The following TOP2A variants were observed in gnomAD, a reference collection of about 807,000 sequenced individuals.
TOP2A encodes the protein DNA topoisomerase 2-alpha.
Under a neutral mutation model 187.2 loss-of-function variants are expected in TOP2A, and 68 were observed. The observed-to-expected ratio is 0.36, with a 90% CI of 0.30 to 0.44. TOP2A has a LOEUF of 0.44. Among genes scored for constraint, TOP2A ranks in the 20% least tolerant of loss-of-function variants. TOP2A has a pLI of 1.00. For synonymous variants in TOP2A, 542 were observed against 593.2 expected (o/e 0.91, Z 1.25); for missense variants, 1,196 against 1,808.7 (o/e 0.66, Z 6.14).
chr17:40,392,856 A>G, intron 29 of TOP2A, 119 bp from the exon 30 acceptor site: 1 of 841,052 alleles, frequency 1.2e-6, no homozygotes, highest in Non-Finnish European at 1.8e-6. Context: ...ACAATCGTGA[A>G]AAGAGACAGA....
rs2035393335 is a variant in TOP2A at position 40,416,585 on chromosome 17, G to A, written c.178-73C>T. On this transcript the variant is annotated intron_variant, in intron 2 of 34. Transcript: ENST00000423485. ...GTTCTGTTATCATGATTACCATAAAGTGTTCATATTAAGTATTACCATATT... is the reference window on the plus strand; with the variant it reads ...GTTCTGTTATCATGATTACCATAAAATGTTCATATTAAGTATTACCATATT... 3.5e-6 allele frequency: 5 copies of A among 1,431,482 alleles called. No individual in the cohort carries two copies. The South Asian group carries it at 5.8e-5, about 17-fold the overall frequency. 88.7% of individuals were successfully genotyped at this position (1,431,482 alleles called of 1,614,324 possible).
intron 7 of TOP2A, among the ~76,000 whole-genome samples, chr17:40,412,484 A>T (rs888975015): frequency 1.3e-5 from 2 of 152,128 alleles, no homozygotes; most frequent in East Asian, 3.9e-4. Flanking sequence ...CTCTACTAAA[A>T]ATACAAAAAA....
chr17:40,416,756 A>G lies in TOP2A; in HGVS notation c.161T>C (p.Val54Ala). 6.2e-7 allele frequency: 1 copy of G among 1,608,138 alleles called. No individual in the cohort carries two copies. Among genetic ancestry groups the G allele is most frequent in the Non-Finnish European group, 8.5e-7 (1 of 1,178,382 alleles). ...LLRPDTYIGS[V>A]ELVTQQMWVY... ...TGATTTTACCTGGGTCACTAATTCC[A>G]CAGAACCAATGTAGGTGTCTGGGCG... The change falls in exon 2 of 35, where the codon GTG becomes GCG. Residue 54 changes from valine (V) to alanine (A), a missense_variant. Physicochemically the swap from Val to Ala is moderately conservative, Grantham distance 64 (BLOSUM62 0). This residue lies in a region of TOP2A where 97 missense variants were observed against 171.0 expected (regional missense o/e 0.57). Coordinates refer to ENST00000423485, the MANE Select transcript of TOP2A (RefSeq NM_001067.4).
In TOP2A at chr17:40,400,346, T is replaced by C. The variant is rs375158687; in HGVS notation, c.2863A>G (p.Thr955Ala). The stretch of plus-strand genomic sequence containing the variant: ...TCTGTATGGTATTCCCTATAGTCTG[T>C]TATGAGAGGAGGTGTCTTCTCGGTG... ...NGTEKTPPLI[T>A]DYREYHTDTT... is the part of the protein sequence containing the mutation. The change falls in exon 23 of 35, where the codon ACA becomes GCA. Residue 955 changes from threonine to alanine, a missense_variant. By Grantham distance (58) the Thr-to-Ala change is moderately conservative (BLOSUM62 0). Around this residue, in one of 10 missense-constraint regions of TOP2A, gnomAD observed 232 missense variants for 306.1 expected, o/e 0.76. Transcript: ENST00000423485. 235 of 1,613,708 alleles carry C rather than the reference T, an allele frequency of 1.5e-4. No homozygotes were observed. The highest frequency in any genetic ancestry group is 1.9e-4 in the Non-Finnish European group (224 of 1,179,846).
In TOP2A at chr17:40,412,642, T is replaced by TCAAACAAA. The variant is rs367747137; in HGVS notation, c.789+109_789+116dup. The TCAAACAAA allele has an allele frequency of 1.2e-3, 1,080 of 888,064 alleles. 21 individuals are homozygous for TCAAACAAA. In the East Asian group the frequency reaches 0.026, roughly 21 times the overall value. The allele number at this position is 888,064 out of a possible 1,614,324, so 55.0% of individuals were successfully genotyped here. Reference sequence around the variant, plus strand: ...CCGGGCAACAGTGTGAGACTCTGTCTCAAACAAACAAACAAACAAACAAAC... The same window carrying TCAAACAAA: ...CCGGGCAACAGTGTGAGACTCTGTCTCAAACAAACAAACAAACAAACAAACAAACAAAC... On this transcript the variant is annotated intron_variant, in intron 7 of 34. Coordinates refer to ENST00000423485, the MANE Select transcript of TOP2A (RefSeq NM_001067.4).
intron 31 of TOP2A, 47 bp downstream of exon 31, chr17:40,392,171 A>G (rs2143622443): frequency 6.2e-7 from 1 of 1,611,840 alleles, no homozygotes; most frequent in South Asian, 1.1e-5. Context: ...AAAAAACAAT[A>G]TATTAGAAAC....
chr17:40,394,166 C>T (rs1001835910), intron 29 of TOP2A, among the ~76,000 whole-genome samples: 1 of 149,150 alleles, frequency 6.7e-6, no homozygotes, highest in African/African-American at 2.5e-5. Flanking sequence ...CAAAAGACCA[C>T]ATATTATATG....
rs574504330 is a variant in TOP2A, at chr17:40,402,044, T to C, written c.2432+862A>G. Among the ~76,000 whole-genome samples the C allele has an allele frequency of 1.3e-4, 20 of 152,234 alleles. No homozygotes were observed. In the East Asian group the frequency reaches 3.9e-3, roughly 30 times the overall value. On this transcript the variant is annotated intron_variant, in intron 20 of 34. Transcript: ENST00000423485. ...TTTAAGAAAAGATGATATGTTACAA[T>C]AGTTTAGATGAGATGGGGGTGGCTT...
intron 27 of TOP2A, among the ~76,000 whole-genome samples, chr17:40,396,677 C>T (rs546714619): frequency 6.6e-6 from 1 of 152,192 alleles, no homozygotes; most frequent in African/African-American, 2.4e-5. Context: ...GGGTTTTATT[C>T]CTGATTCTAC....
chr17:40,415,917 T>C, intron 4 of TOP2A, 88 bp downstream of exon 4: 1 of 933,908 alleles, frequency 1.1e-6, no homozygotes, highest in Non-Finnish European at 1.7e-6. Context: ...AACTTCTGTT[T>C]AGGAAAAGCC....
intron 13 of TOP2A, among the ~76,000 whole-genome samples, 198 bp from the exon 14 acceptor site, chr17:40,407,140 T>C (rs2035258439): frequency 6.6e-6 from 1 of 152,172 alleles, no homozygotes; most frequent in South Asian, 2.1e-4. Flanking sequence ...GGCATCCGCC[T>C]GCAATCCCAG....
At chr17:40,407,038 C>T (rs1180636141) in intron 13 of TOP2A, 96 bp from the exon 14 acceptor site, 10 of 959,948 alleles carry the variant, frequency 1.0e-5, no homozygotes, top group East Asian at 2.8e-5. Flanking sequence ...CCGAGGCAGG[C>T]GGATCGCCTG....
rs199676896 is a variant in TOP2A, at chr17:40,399,846, A to C, written c.3196+26T>G. ...AGTTTGGCGTAACTAGAGTTTTAGT[A>C]AGCAGTTATTATTCCCAAAACATAC... On this transcript the variant is annotated intron_variant, in intron 24 of 34. Transcript: ENST00000423485. The C allele has an allele frequency of 3.0e-4, 464 of 1,555,360 alleles. No homozygotes were observed. In the African/African-American group the frequency reaches 5.2e-3, roughly 17 times the overall value.
In TOP2A at chr17:40,389,393, G is replaced by C; in HGVS notation, c.*126C>G. 9.4e-7 allele frequency: 1 copy of C among 1,066,486 alleles called. No individual in the cohort carries two copies. The allele number at this position is 1,066,486 out of a possible 1,614,324, so 66.1% of individuals were successfully genotyped here. A position where few individuals can be genotyped will look rare whatever the true frequency, so the allele number is the denominator to read the frequency against. Reference sequence around the variant, plus strand: ...GAACACTTGGGCTTTACTTCACTTTGATGTCTTGTACTAAAAACACCTTCC... The same window carrying C: ...GAACACTTGGGCTTTACTTCACTTTCATGTCTTGTACTAAAAACACCTTCC... On this transcript the variant is annotated 3_prime_UTR_variant, in exon 35 of 35. Coordinates refer to ENST00000423485, the MANE Select transcript of TOP2A (RefSeq NM_001067.4).
At chr17:40,400,442 A>G (rs914848701) in intron 22 of TOP2A, 33 bp from the exon 23 acceptor site, 2 of 1,608,138 alleles carry the variant, frequency 1.2e-6, no homozygotes, top group Non-Finnish European at 1.7e-6. Flanking sequence ...AGTTTCTAAA[A>G]TATAGGCTTC....
At chr17:40,415,601 C>G (rs1160186262) in intron 4 of TOP2A, among the ~76,000 whole-genome samples, 1 of 152,202 alleles carries the variant, frequency 6.6e-6, no homozygotes, top group Non-Finnish European at 1.5e-5. Context: ...AAAGCAATTA[C>G]TGAAGGTGCT....
chr17:40,409,215 AAAAAAG>A, intron 10 of TOP2A: 1 of 296,250 alleles, frequency 3.4e-6, no homozygotes, highest in South Asian at 2.9e-5. Context: ...AAAAAAAAAA[AAAAAAG>A]GGTAGCCAGG....
At chr17:40,408,973 A>T in intron 10 of TOP2A, 1 of 432,670 alleles carries the variant, frequency 2.3e-6, no homozygotes, top group Non-Finnish European at 4.5e-6. Context: ...GGTGGGCAGA[A>T]CACCTGAGGT....
intron 33 of TOP2A, chr17:40,391,181 A>T: frequency 1.0e-5 from 2 of 198,896 alleles, no homozygotes; most frequent in Non-Finnish European, 2.0e-5. Context: ...TTAGCCTCCC[A>T]AAGTGCTGGG....
Sources: allele counts gnomAD v4.1 joint callset (sites outside exome capture counted in the v4.1 genomes callset), GRCh38; gene constraint gnomAD v4.1.1; regional missense constraint gnomAD v4.1.1; transcripts MANE v1.5; gene names NCBI Gene and HGNC (gene_info 2026-07-23, HGNC 2026-07-21).